ITGA9: variants seen among roughly 807,000 people sequenced by gnomAD.
ITGA9 encodes the protein integrin subunit alpha 9, also known as integrin alpha-9.
A neutral mutation model predicts 127.8 loss-of-function variants in ITGA9; 56 were observed. The ratio of observed to expected loss-of-function variants is 0.44; its 90% confidence interval spans 0.35 to 0.55. The LOEUF (loss-of-function observed/expected upper bound fraction) is 0.55, where lower values mean the gene tolerates loss of function less well. Among genes scored for constraint, ITGA9 ranks in the 20% least tolerant of loss-of-function variants. ITGA9 has a pLI of 0.00. For synonymous variants in ITGA9, 508 were observed against 514.5 expected, an observed-to-expected ratio of 0.99 and a Z score of 0.17; for missense variants, 1,196 against 1,347.1, an observed-to-expected ratio of 0.89 and a Z score of 1.76.
intron 1 of ITGA9, among the ~76,000 whole-genome samples, chr3:37,470,398 G>T (rs1326535378): frequency 6.6e-6 from 1 of 152,032 alleles, no homozygotes; most frequent in Non-Finnish European, 1.5e-5. Context: ...AGTCTTTTTG[G>T]TTTGAGCCTT....
chr3:37,628,015 C>T (rs995917976), intron 15 of ITGA9, among the ~76,000 whole-genome samples: 2 of 152,138 alleles, frequency 1.3e-5, no homozygotes, highest in African/African-American at 4.8e-5. Context: ...CCTTTAGAAC[C>T]TCTACTTCTT....
At chr3:37,591,744 C>T (rs887910566) in intron 15 of ITGA9, among the ~76,000 whole-genome samples, 1 of 152,226 alleles carries the variant, frequency 6.6e-6, no homozygotes, top group African/African-American at 2.4e-5. Context: ...CACTTTCCTT[C>T]TTGGCTGTCT....
Position 37,750,651 on chromosome 3 carries a change from T to A in ITGA9, c.2541+82T>A, listed in dbSNP as rs1696572409. ...TTTTGTATTCCACCCTACCCTGACATCCACCTTGAGGGTTTGGAAAATTCA... is the reference window on the plus strand; with the variant it reads ...TTTTGTATTCCACCCTACCCTGACAACCACCTTGAGGGTTTGGAAAATTCA... On this transcript the variant is annotated intron_variant, in intron 23 of 27. Coordinates refer to ENST00000264741, the MANE Select transcript of ITGA9 (RefSeq NM_002207.3). 3 of 970,726 alleles carry A rather than the reference T, an allele frequency of 3.1e-6. No individual in the cohort carries two copies. In the Admixed American group the frequency reaches 5.1e-5, roughly 17 times the overall value. 60.1% of individuals were successfully genotyped at this position (970,726 alleles called of 1,614,324 possible).
chr3:37,511,193 A>C (rs1308763323), intron 8 of ITGA9, among the ~76,000 whole-genome samples: 1 of 152,228 alleles, frequency 6.6e-6, no homozygotes, highest in Non-Finnish European at 1.5e-5. Flanking sequence ...GATTAAAAAA[A>C]CAAAACCAAA....
At chr3:37,622,152 T>TTC (rs397762810) in intron 15 of ITGA9, among the ~76,000 whole-genome samples, 3 of 150,648 alleles carry the variant, frequency 2.0e-5, no homozygotes, top group Non-Finnish European at 4.4e-5. Flanking sequence ...TTTTTTTTTT[T>TTC]CCCCGGCTCA....
chr3:37,774,990 C>T (rs780019245), intron 23 of ITGA9, among the ~76,000 whole-genome samples: 3 of 152,122 alleles, frequency 2.0e-5, no homozygotes, highest in Non-Finnish European at 4.4e-5. Flanking sequence ...GCATTGTTAG[C>T]TTTAGTTTAT....
At chr3:37,801,266 C>G (rs1697231928) in intron 26 of ITGA9, among the ~76,000 whole-genome samples, 1 of 151,834 alleles carries the variant, frequency 6.6e-6, no homozygotes, top group South Asian at 2.1e-4. Context: ...GCAGGTGATG[C>G]TAATCCAAGC....
rs150573110 is a variant in ITGA9 at position 37,588,450 on chromosome 3, G to A, written c.1690-40737G>A. 3.4e-3 allele frequency among the ~76,000 whole-genome samples: 523 copies of A among 152,260 alleles called. 8 individuals carry two copies. Among genetic ancestry groups the A allele is most frequent in the African/African-American group, 0.012 (484 of 41,568 alleles). On this transcript the variant is annotated intron_variant, in intron 15 of 27. Coordinates refer to ENST00000264741, the MANE Select transcript of ITGA9 (RefSeq NM_002207.3). The stretch of plus-strand genomic sequence containing the variant: ...AGAGGCTGCCCTTGGACCTCAGGTA[G>A]GGTACACTCACTCATGGTGCACTTT...
At chr3:37,557,926 A>G (rs1321239661) in intron 15 of ITGA9, among the ~76,000 whole-genome samples, 1 of 152,212 alleles carries the variant, frequency 6.6e-6, no homozygotes, top group East Asian at 1.9e-4. Context: ...CCATCCAGCA[A>G]CCAACTAGTT....
intron 4 of ITGA9, among the ~76,000 whole-genome samples, chr3:37,484,609 G>A (rs1310228852): frequency 6.6e-6 from 1 of 152,130 alleles, no homozygotes; most frequent in Non-Finnish European, 1.5e-5. Context: ...TGTCTTTCAT[G>A]AGGTCCAGAG....
chr3:37,757,377 T>C (rs1696665513), intron 23 of ITGA9, among the ~76,000 whole-genome samples: 1 of 151,508 alleles, frequency 6.6e-6, no homozygotes, highest in South Asian at 2.1e-4. Flanking sequence ...ATAACATCTT[T>C]TGAGCTGGGC....
intron 15 of ITGA9, among the ~76,000 whole-genome samples, chr3:37,595,566 A>G (rs1004230210): frequency 1.3e-5 from 2 of 152,202 alleles, no homozygotes; most frequent in African/African-American, 4.8e-5. Context: ...TAGTAATTAG[A>G]GGTGGCACTG....
At chr3:37,607,579 C>G (rs1402680981) in intron 15 of ITGA9, among the ~76,000 whole-genome samples, 1 of 152,054 alleles carries the variant, frequency 6.6e-6, no homozygotes, top group Non-Finnish European at 1.5e-5. Flanking sequence ...ATTAAGGCAC[C>G]AGCATTCAGC....
chr3:37,646,404 A>G (rs1331411906), intron 16 of ITGA9, among the ~76,000 whole-genome samples: 1 of 152,220 alleles, frequency 6.6e-6, no homozygotes, highest in Non-Finnish European at 1.5e-5. Flanking sequence ...TTCAAAGACA[A>G]CTGTATTCTC....
At chr3:37,739,451 A>C (rs1359322964) in intron 20 of ITGA9, among the ~76,000 whole-genome samples, 2 of 152,218 alleles carry the variant, frequency 1.3e-5, no homozygotes, top group East Asian at 3.8e-4. Context: ...ACTCCCTGCT[A>C]TGACGGAAAG....
In ITGA9 at chr3:37,579,031, G is replaced by A. The variant is rs575475238; in HGVS notation, c.1689+36446G>A. On this transcript the variant is annotated intron_variant, in intron 15 of 27. Transcript: ENST00000264741. Reference sequence around the variant, plus strand: ...GGCTTGTCCCCTCCATCATGATTTAGTATATCATCCTTCCCAAGAGAAGTT... The same window carrying A: ...GGCTTGTCCCCTCCATCATGATTTAATATATCATCCTTCCCAAGAGAAGTT... Among the ~76,000 whole-genome samples, 15 of 152,188 alleles carry A rather than the reference G, an allele frequency of 9.9e-5. No individual in the cohort carries two copies. In the East Asian group the frequency reaches 2.9e-3, roughly 30 times the overall value.
chr3:37,470,505 T>C (rs1035709761), intron 1 of ITGA9, among the ~76,000 whole-genome samples: 1 of 152,246 alleles, frequency 6.6e-6, no homozygotes, highest in African/African-American at 2.4e-5. Context: ...TTGTGAAGTA[T>C]CTATGCTTGT....
intron 4 of ITGA9, among the ~76,000 whole-genome samples, chr3:37,482,204 ACTT>A (rs1457597912): frequency 6.6e-6 from 1 of 152,184 alleles, no homozygotes; most frequent in Non-Finnish European, 1.5e-5. Flanking sequence ...TTGAGGTCTG[ACTT>A]TCCTTCCCAT....
At chr3:37,791,306 G>A (rs1697106789) in intron 26 of ITGA9, among the ~76,000 whole-genome samples, 1 of 152,208 alleles carries the variant, frequency 6.6e-6, no homozygotes, top group South Asian at 2.1e-4. Context: ...TGATAAACTT[G>A]TAAGTCCACA....
Sources: gnomAD v4.1 joint callset for allele counts (sites outside exome capture counted in the v4.1 genomes callset) on GRCh38, gnomAD v4.1.1 for gene constraint, MANE v1.5 for transcripts, NCBI Gene and HGNC (gene_info 2026-07-23, HGNC 2026-07-21) for gene names.